The following RORA variants were observed in gnomAD, a reference collection of about 807,000 sequenced individuals.
RORA encodes nuclear receptor ROR-alpha.
Under a neutral mutation model 69.5 loss-of-function variants are expected in RORA, and 7 were observed. The ratio of observed to expected loss-of-function variants is 0.10; its 90% CI spans 0.06 to 0.19. The LOEUF (loss-of-function observed/expected upper bound fraction) is 0.19, where lower values mean the gene tolerates loss of function less well. Ranked by LOEUF, RORA falls within the 10% of genes least tolerant of loss-of-function variation. The probability of loss-of-function intolerance (pLI) is 1.00; values close to 1 mark genes in which losing one functional copy is unlikely to be tolerated. For synonymous variants in RORA, 261 were observed against 240.8 expected, an observed-to-expected ratio of 1.08 and a Z score of -0.78; for missense variants, 457 against 663.0, an observed-to-expected ratio of 0.69 and a Z score of 3.41.
At chr15:61,162,396 C>T (rs1231653363) in intron 1 of RORA, among the ~76,000 whole-genome samples, 3 of 152,132 alleles carry the variant, frequency 2.0e-5, no homozygotes, top group Non-Finnish European at 4.4e-5. Flanking sequence ...TTTTAATAGA[C>T]TTTAGCCTTG....
intron 1 of RORA, among the ~76,000 whole-genome samples, chr15:60,842,516 A>G (rs550986076): frequency 1.3e-5 from 2 of 152,220 alleles, no homozygotes; most frequent in African/African-American, 4.8e-5. Context: ...ATGAAGTTTC[A>G]TTACTTGCAC....
At chr15:61,186,186 A>G (rs1437549856) in intron 1 of RORA, among the ~76,000 whole-genome samples, 1 of 152,206 alleles carries the variant, frequency 6.6e-6, no homozygotes, top group Non-Finnish European at 1.5e-5. Flanking sequence ...ATTAGACTAC[A>G]ATTTCTTCCT....
intron 1 of RORA, among the ~76,000 whole-genome samples, chr15:60,863,069 T>C (rs538076472): frequency 6.6e-6 from 1 of 152,352 alleles, no homozygotes; most frequent in African/African-American, 2.4e-5. Flanking sequence ...ATCATCTTCA[T>C]GATTAGCTTG....
At position 61,147,067 on chromosome 15, in the gene RORA, G is replaced by A. The variant is rs1246722292; in HGVS notation, c.166+81986C>T. 6.6e-6 allele frequency among the ~76,000 whole-genome samples: 1 copy of A among 152,014 alleles called. No individual in the cohort carries two copies. Among genetic ancestry groups the A allele is most frequent in the Admixed American group, 6.5e-5 (1 of 15,272 alleles). On this transcript the variant is annotated intron_variant, in intron 1 of 10. Coordinates refer to ENST00000335670, the MANE Select transcript of RORA (RefSeq NM_134261.3). The surrounding 1 kb of genome is among the most constrained non-coding windows in gnomAD (Gnocchi z 4.1). ...GGATTCCATTTCCTCTGCCACCTCT[G>A]AGTGCTTGGAGAGCACCAAGCGGGC...
Position 60,877,722 on chromosome 15 carries a change from C to G in RORA, c.167-199036G>C, listed in dbSNP as rs1024961470. 5.9e-5 allele frequency among the ~76,000 whole-genome samples: 9 copies of G among 152,160 alleles called. No individual in the cohort carries two copies. The South Asian group carries it at 8.3e-4, about 14-fold the overall frequency. ...ATCCATATTAATGGAGTTCCTGACACTTCACTACTTCAGAAACACTAGTAA... is the reference window on the plus strand; with the variant it reads ...ATCCATATTAATGGAGTTCCTGACAGTTCACTACTTCAGAAACACTAGTAA... On this transcript the variant is annotated intron_variant, in intron 1 of 10. Transcript: ENST00000335670.
intron 1 of RORA, among the ~76,000 whole-genome samples, chr15:61,039,401 T>C (rs1413077360): frequency 1.3e-5 from 2 of 152,132 alleles, no homozygotes; most frequent in African/African-American, 4.8e-5. Context: ...TACTGCATTA[T>C]TGCTTTGTCC....
At chr15:61,146,480 ACACG>A (rs1262325945) in intron 1 of RORA, among the ~76,000 whole-genome samples, 1 of 148,526 alleles carries the variant, frequency 6.7e-6, no homozygotes, top group Non-Finnish European at 1.5e-5. Context: ...ACACACACAC[ACACG>A]CACACACAGC....
chr15:60,786,085 C>T lies in RORA; in HGVS notation c.167-107399G>A, dbSNP rs547641878. ...CCTTTGCAAGGAACCCTGTGGAATA[C>T]GCCAAAAGACATGGTTCCAGGCCTC... On this transcript the variant is annotated intron_variant, in intron 1 of 10. Coordinates refer to ENST00000335670, the MANE Select transcript of RORA (RefSeq NM_134261.3). Among the ~76,000 whole-genome samples the T allele has an allele frequency of 3.3e-5, 5 of 152,352 alleles. No individual in the cohort carries two copies. In the East Asian group the frequency reaches 9.6e-4, roughly 29 times the overall value.
chr15:60,509,672 A>T (rs913286763), intron 5 of RORA, among the ~76,000 whole-genome samples: 1 of 152,184 alleles, frequency 6.6e-6, no homozygotes, highest in Admixed American at 6.5e-5. Context: ...TCATGGTATC[A>T]TGTCAGCTTT....
intron 1 of RORA, among the ~76,000 whole-genome samples, chr15:60,733,649 T>C (rs1044584240): frequency 2.6e-5 from 4 of 152,188 alleles, no homozygotes; most frequent in South Asian, 2.1e-4. Flanking sequence ...GGCAGAGATA[T>C]GCAAAGTCAC....
intron 1 of RORA, among the ~76,000 whole-genome samples, chr15:60,929,801 C>A (rs974690416): frequency 2.6e-5 from 4 of 152,190 alleles, no homozygotes; most frequent in Admixed American, 2.0e-4. Flanking sequence ...TGCTAAAATA[C>A]TGATTCCCAG....
chr15:60,954,614 A>C (rs1480724055), intron 1 of RORA, among the ~76,000 whole-genome samples: 2 of 152,190 alleles, frequency 1.3e-5, no homozygotes, highest in African/African-American at 4.8e-5. Context: ...TACTGGATTT[A>C]ACAAAAGTGA....
At chr15:60,803,014 CA>C (rs2072609729) in intron 1 of RORA, among the ~76,000 whole-genome samples, 1 of 152,082 alleles carries the variant, frequency 6.6e-6, no homozygotes, top group Non-Finnish European at 1.5e-5. Flanking sequence ...ACAACTCCAA[CA>C]AAAGAAAGAT....
chr15:60,618,278 A>G (rs2069308878), intron 2 of RORA, among the ~76,000 whole-genome samples: 1 of 152,224 alleles, frequency 6.6e-6, no homozygotes, highest in South Asian at 2.1e-4. Context: ...AGACTCAATC[A>G]ACTTTGGCCA....
At chr15:60,515,218 T>C (rs2065823809) in intron 3 of RORA, among the ~76,000 whole-genome samples, 1 of 152,244 alleles carries the variant, frequency 6.6e-6, no homozygotes, top group Non-Finnish European at 1.5e-5. Context: ...TGAACCATGG[T>C]AATCTTCACT....
At chr15:61,018,237 A>G (rs1477068108) in intron 1 of RORA, among the ~76,000 whole-genome samples, 1 of 152,140 alleles carries the variant, frequency 6.6e-6, no homozygotes, top group African/African-American at 2.4e-5. Context: ...ATTCCTCAGC[A>G]AAGTGTAGTA....
At chr15:60,943,721 G>A (rs1892772900) in intron 1 of RORA, among the ~76,000 whole-genome samples, 2 of 151,746 alleles carry the variant, frequency 1.3e-5, no homozygotes, top group South Asian at 4.2e-4. Context: ...TTCAAGACCA[G>A]CCTGGGCAAC....
chr15:60,777,774 G>A lies in RORA; in HGVS notation c.167-99088C>T, dbSNP rs17204461. On this transcript the variant is annotated intron_variant, in intron 1 of 10. Coordinates refer to ENST00000335670, the MANE Select transcript of RORA (RefSeq NM_134261.3). ...ACTTTGGAGAACCGAGAATCAAACCGCAATCTCGGCAGCACAGGGAATGAG... is the reference window on the plus strand; with the variant it reads ...ACTTTGGAGAACCGAGAATCAAACCACAATCTCGGCAGCACAGGGAATGAG... Among the ~76,000 whole-genome samples, 519 of 152,246 alleles carry A rather than the reference G, an allele frequency of 3.4e-3. 1 individual carries two copies. The highest frequency in any genetic ancestry group is 6.8e-3 in the Middle Eastern group (2 of 294).
At chr15:60,914,541 A>G (rs895233909) in intron 1 of RORA, among the ~76,000 whole-genome samples, 1 of 152,210 alleles carries the variant, frequency 6.6e-6, no homozygotes, top group African/African-American at 2.4e-5. Context: ...AAGACCTATC[A>G]CAGTACTTGG....
Sources: gnomAD v4.1 joint callset for allele counts (sites outside exome capture counted in the v4.1 genomes callset) on GRCh38, gnomAD v4.1.1 for gene constraint, Gnocchi (gnomAD v3.1) non-coding constraint, MANE v1.5 for transcripts, NCBI Gene and HGNC (gene_info 2026-07-23, HGNC 2026-07-21) for gene names.